THSD4: variants seen among roughly 807,000 people sequenced by gnomAD.
The protein encoded by THSD4 is thrombospondin type 1 domain containing 4, also known as thrombospondin type-1 domain-containing protein 4.
In THSD4, 69 loss-of-function variants were observed where a neutral mutation model predicts 119.0. The ratio of observed to expected loss-of-function variants is 0.58; its 90% CI spans 0.48 to 0.71. The LOEUF (loss-of-function observed/expected upper bound fraction) is 0.71, where lower values mean the gene tolerates loss of function less well. Ranked by LOEUF, THSD4 falls within the 30% of genes least tolerant of loss-of-function variation. The pLI is 0.00. For missense variants in THSD4, 1,393 were observed against 1,391.1 expected (o/e 1.00, Z -0.02); for synonymous variants, 524 against 540.4 (o/e 0.97, Z 0.42).
intron 6 of THSD4, among the ~76,000 whole-genome samples, chr15:71,272,568 C>A (rs770272525): frequency 1.9e-4 from 29 of 152,194 alleles, no homozygotes; most frequent in Middle Eastern, 3.4e-3. Context: ...AAGCTATCAT[C>A]TCATGCCTGT....
intron 8 of THSD4, among the ~76,000 whole-genome samples, chr15:71,718,450 A>G (rs564985360): frequency 2.6e-5 from 4 of 152,288 alleles, no homozygotes; most frequent in Admixed American, 2.6e-4. Context: ...TGGGAGAGGC[A>G]TGGTAGGTAC....
intron 6 of THSD4, among the ~76,000 whole-genome samples, chr15:71,265,391 G>T (rs1429074338): frequency 6.6e-6 from 1 of 152,136 alleles, no homozygotes; most frequent in South Asian, 2.1e-4. Flanking sequence ...AGCCGTGAGA[G>T]ACTGTGCCTT....
At chr15:71,646,523 A>G (rs11637244) in intron 7 of THSD4, among the ~76,000 whole-genome samples, 77,997 of 152,084 alleles carry the variant, frequency 0.51, 22,357 homozygotes, top group Non-Finnish European at 0.65. Context: ...AATTGATATC[A>G]TTTATTTGTG....
chr15:71,395,914 GACACACACACACACAC>G (rs58433075), intron 6 of THSD4, among the ~76,000 whole-genome samples: 6 of 133,296 alleles, frequency 4.5e-5, no homozygotes, highest in African/African-American at 2.9e-5. Context: ...TTTGAAGAGA[GACACACACACACACAC>G]ACACACACAC....
intron 7 of THSD4, among the ~76,000 whole-genome samples, chr15:71,582,099 G>A (rs1350473080): frequency 6.6e-6 from 1 of 152,070 alleles, no homozygotes; most frequent in Non-Finnish European, 1.5e-5. Flanking sequence ...ACTTTTGGTA[G>A]TATGGACATC....
chr15:71,332,892 A>ATTTGTTTTTTTTTTTTTTTTTTTTTTTTT (rs2045442010), intron 6 of THSD4, among the ~76,000 whole-genome samples: 1 of 76,940 alleles, frequency 1.3e-5, no homozygotes, highest in Non-Finnish European at 2.6e-5. Flanking sequence ...ATTTTTTTAC[A>ATTTGTTTTTTTTTTTTTTTTTTTTTTTTT]TTTTTTTTTT....
chr15:71,306,692 T>C (rs971006153), intron 6 of THSD4, among the ~76,000 whole-genome samples: 5 of 152,090 alleles, frequency 3.3e-5, no homozygotes, highest in African/African-American at 1.2e-4. Flanking sequence ...AAGTCAGGAG[T>C]GCTGCATATA....
chr15:71,728,667 C>A lies in THSD4; in HGVS notation c.1476C>A (p.Ser492Arg), dbSNP rs1405912756. 6.2e-7 allele frequency: 1 copy of A among 1,614,216 alleles called. No individual in the cohort carries two copies. The highest frequency in any genetic ancestry group is 1.7e-5 in the Admixed American group (1 of 60,028). ...ACAAGCGTCCAAATGAGATTTCGAG[C>A]ACTGCCGGAGAGTCCTTTTTGGCGG... ...FTYKRPNEIS[S>R]TAGESFLAEG... Residue 492 changes from serine to arginine, a missense_variant, in exon 9 of 18, where the codon AGC (serine) becomes AGA (arginine). By Grantham distance (110) the Ser-to-Arg change is moderately radical. Transcript: ENST00000261862.
chr15:71,592,750 C>T (rs1166304360), intron 7 of THSD4, among the ~76,000 whole-genome samples: 1 of 151,986 alleles, frequency 6.6e-6, no homozygotes, highest in Admixed American at 6.6e-5. Context: ...GAACAGCATG[C>T]ATTAGAATAT....
chr15:71,647,948 C>T (rs1473736108), intron 7 of THSD4, among the ~76,000 whole-genome samples: 6 of 152,098 alleles, frequency 3.9e-5, no homozygotes, highest in Non-Finnish European at 7.4e-5. Flanking sequence ...GGGGAAAGCC[C>T]GAGAGCAGCC....
chr15:71,106,385 T>C (rs920126960), intron 1 of THSD4, among the ~76,000 whole-genome samples: 13 of 152,108 alleles, frequency 8.5e-5, no homozygotes. Context: ...AGTACACAGA[T>C]TGGCCTTTAT....
intron 7 of THSD4, among the ~76,000 whole-genome samples, chr15:71,587,787 T>TAAAAAAAAAAAAAAAAAAAAAAATAA (rs1207231444): frequency 9.5e-6 from 1 of 105,550 alleles, no homozygotes; most frequent in African/African-American, 3.6e-5. Context: ...AAAAAAAAAT[T>TAAAAAAAAAAAAAAAAAAAAAAATAA]AAAAAAAAAA....
At chr15:71,612,879 T>A (rs980316597) in intron 7 of THSD4, among the ~76,000 whole-genome samples, 2 of 152,220 alleles carry the variant, frequency 1.3e-5, no homozygotes, top group Non-Finnish European at 2.9e-5. Flanking sequence ...CAGAACTCTA[T>A]TGCCATCAGT....
Position 71,512,661 on chromosome 15 carries a change from T to G in THSD4, c.1152+100838T>G, listed in dbSNP as rs184260889. On this transcript the variant is annotated intron_variant, in intron 7 of 17. Coordinates refer to ENST00000261862, the MANE Select transcript of THSD4 (RefSeq NM_024817.3). ...CTCTCCTATTCCCCTGGGGGCTTAA[T>G]CTCGCCGCTCAGAACATTAAACAAT... Among the ~76,000 whole-genome samples the G allele has an allele frequency of 2.0e-3, 299 of 152,320 alleles. 1 individual carries two copies. The highest frequency in any genetic ancestry group is 7.0e-3 in the African/African-American group (292 of 41,576).
chr15:71,765,323 T>A, intron 16 of THSD4, 124 bp downstream of exon 16: 1 of 1,191,572 alleles, frequency 8.4e-7, no homozygotes, highest in South Asian at 1.9e-5. Context: ...GCAATCTACC[T>A]TAGGTGGTAG....
Position 71,777,392 on chromosome 15 carries a change from C to T in THSD4, c.*18C>T, listed in dbSNP as rs766678126. On this transcript the variant is annotated 3_prime_UTR_variant, in exon 18 of 18. Coordinates refer to ENST00000261862, the MANE Select transcript of THSD4 (RefSeq NM_024817.3). ...GCAGATAACACTCCTGCACCCCCAT[C>T]AGTAGGGCAGCATCACTGCCTTCCC... 4 of 1,609,394 alleles carry T rather than the reference C, an allele frequency of 2.5e-6. No individual in the cohort carries two copies. In the South Asian group the frequency reaches 4.4e-5, roughly 18 times the overall value.
chr15:71,236,898 C>G (rs1387100700), intron 4 of THSD4, among the ~76,000 whole-genome samples: 2 of 152,128 alleles, frequency 1.3e-5, no homozygotes, highest in Non-Finnish European at 2.9e-5. Flanking sequence ...CGGTTTGGAC[C>G]AGGAAAAACT....
At chr15:71,100,931 A>G (rs1370624016) in intron 1 of THSD4, among the ~76,000 whole-genome samples, 6 of 152,156 alleles carry the variant, frequency 3.9e-5, no homozygotes, top group Admixed American at 3.9e-4. Context: ...GCAGTGAGCC[A>G]TGATCACACC....
chr15:71,638,248 G>A (rs1221183855), intron 7 of THSD4, among the ~76,000 whole-genome samples: 1 of 152,192 alleles, frequency 6.6e-6, no homozygotes. Flanking sequence ...ATAGCACATA[G>A]TGTAGACAAG....
Sources: allele counts gnomAD v4.1 joint callset (sites outside exome capture counted in the v4.1 genomes callset), GRCh38; gene constraint gnomAD v4.1.1; transcripts MANE v1.5; gene names NCBI Gene and HGNC (gene_info 2026-07-23, HGNC 2026-07-21).